Variants in DGKH observed in about 807,000 individuals in gnomAD.
DGKH encodes DAG kinase eta.
In DGKH, 90 loss-of-function variants were observed where a neutral mutation model predicts 159.3. The ratio of observed to expected loss-of-function variants is 0.57; its 90% CI spans 0.48 to 0.67. DGKH has a LOEUF of 0.67. Ranked by LOEUF, DGKH falls within the 30% of genes least tolerant of loss-of-function variation. The pLI is 0.00. For missense variants in DGKH, 1,181 were observed against 1,506.1 expected, an observed-to-expected ratio of 0.78 and a Z score of 3.57; for synonymous variants, 536 against 553.8, an observed-to-expected ratio of 0.97 and a Z score of 0.45.
In DGKH at chr13:42,051,646, CTTTTTTTTTTTT is replaced by C. The variant is rs56413015; in HGVS notation, c.192+2700_192+2711del. ...GGCCCTAAGATTAGCTCAAAGCCAT[CTTTTTTTTTTTT>C]TTTTTTTTTTTTTTTTTTGAGATGG... On this transcript the variant is annotated intron_variant, in intron 1 of 29. Coordinates refer to ENST00000337343, the MANE Select transcript of DGKH (RefSeq NM_178009.5). 2.3e-3 allele frequency among the ~76,000 whole-genome samples: 113 copies of C among 50,196 alleles called. 1 individual carries two copies. Among genetic ancestry groups the C allele is most frequent in the Non-Finnish European group, 3.5e-3 (100 of 28,608 alleles). 32.9% of individuals were successfully genotyped at this position (50,196 alleles called of 152,430 possible).
chr13:42,246,983 A>G (rs1336307972), downstream of DGKH, among the ~76,000 whole-genome samples: 2 of 152,120 alleles, frequency 1.3e-5, no homozygotes, highest in Admixed American at 1.3e-4. Flanking sequence ...GACCACACAG[A>G]TATCCGTGGT....
Position 42,166,685 on chromosome 13 carries a change from AT to A in DGKH, c.1118+13del, listed in dbSNP as rs759020724. The A allele has an allele frequency of 6.4e-7, 1 of 1,565,312 alleles. No individual in the cohort carries two copies. The highest frequency in any genetic ancestry group is 1.2e-5 in the South Asian group (1 of 81,786). ...AGGTCCTCATTTAGGGTAACTGATTATTGATAAATCTTATTTGAATACAATG... is the reference window on the plus strand; with the variant it reads ...AGGTCCTCATTTAGGGTAACTGATTATGATAAATCTTATTTGAATACAATG... On this transcript the variant is annotated intron_variant, in intron 9 of 29. Coordinates refer to ENST00000337343, the MANE Select transcript of DGKH (RefSeq NM_178009.5).
Position 42,159,263 on chromosome 13 carries a change from T to TTTTTTTTTTTTTGTGTTTAAATTAA in DGKH, c.623-3_623-2insTTTTTTTTTTTTGTGTTTAAATTAA. 1 of 1,249,720 alleles carries TTTTTTTTTTTTTGTGTTTAAATTAA rather than the reference T, an allele frequency of 8.0e-7. No homozygotes were observed. The highest frequency in any genetic ancestry group is 1.1e-6 in the Non-Finnish European group (1 of 894,574). 77.4% of individuals were successfully genotyped at this position (1,249,720 alleles called of 1,614,324 possible). A position where few individuals can be genotyped will look rare whatever the true frequency, so the allele number is the denominator to read the frequency against. On this transcript the variant is annotated splice_polypyrimidine_tract_variant and splice_region_variant and intron_variant, in intron 5 of 29. Coordinates refer to ENST00000337343, the MANE Select transcript of DGKH (RefSeq NM_178009.5). ...GTTGCTCTTTTTTTTTTTTTTTTTT[T>TTTTTTTTTTTTTGTGTTTAAATTAA]AGTGTGTAAATTCAAGGCTCACAAA...
chr13:42,178,928 A>G lies in DGKH; in HGVS notation c.1538+708A>G, dbSNP rs1956674759. Among the ~76,000 whole-genome samples the G allele has an allele frequency of 4.6e-5, 7 of 152,226 alleles. No individual in the cohort carries two copies. The South Asian group carries it at 1.4e-3, about 31-fold the overall frequency. ...CTGTTATGCAGGAAGAGAGCAGAAA[A>G]GGGGAAGAAAGAAAGAAAAGGAGTG... On this transcript the variant is annotated intron_variant, in intron 13 of 29. Transcript: ENST00000337343.
At chr13:42,177,502 T>C (rs1012355253) in intron 12 of DGKH, among the ~76,000 whole-genome samples, 1 of 152,158 alleles carries the variant, frequency 6.6e-6, no homozygotes, top group Admixed American at 6.5e-5. Context: ...TTCTTTTGGG[T>C]GTAGATATAG....
rs781029886 is a variant in DGKH at position 42,199,875 on chromosome 13, C to G, written c.2459C>G (p.Ser820Trp). Residue 820 changes from serine to tryptophan, a missense_variant, in exon 20 of 30, where the codon TCG becomes TGG. This residue lies in a region of DGKH where 335 missense variants were observed against 495.2 expected (regional missense o/e 0.68). Transcript: ENST00000337343. ...GGAACCCGGGAGTTATTACAGAGATCGTACAAGAATTTAGAACAAAGGGTT... is the reference window on the plus strand; with the variant it reads ...GGAACCCGGGAGTTATTACAGAGATGGTACAAGAATTTAGAACAAAGGGTT... Reference protein sequence around the residue: ...VLGTRELLQRSYKNLEQRVQL... With the variant: ...VLGTRELLQRWYKNLEQRVQL... 1.9e-6 allele frequency: 3 copies of G among 1,612,080 alleles called. No individual in the cohort carries two copies. The highest frequency in any genetic ancestry group is 1.7e-5 in the Admixed American group (1 of 59,752).
chr13:42,085,268 G>A (rs1296859268), intron 1 of DGKH, among the ~76,000 whole-genome samples: 1 of 151,968 alleles, frequency 6.6e-6, no homozygotes, highest in East Asian at 1.9e-4. Context: ...TCATGCTGGT[G>A]AAATGTAGGT....
At chr13:42,067,330 A>G (rs1882650835) in intron 1 of DGKH, among the ~76,000 whole-genome samples, 2 of 152,216 alleles carry the variant, frequency 1.3e-5, no homozygotes, top group Admixed American at 6.5e-5. Flanking sequence ...TGAGAATAGT[A>G]TATCAAATCA....
chr13:42,165,749 T>C (rs982061802), intron 8 of DGKH, among the ~76,000 whole-genome samples: 1 of 151,998 alleles, frequency 6.6e-6, no homozygotes, highest in East Asian at 1.9e-4. Flanking sequence ...AGTGTTTTTT[T>C]CCTCTATAAT....
chr13:42,040,905 C>CAG (rs1880456561), intron 1 of DGKH, among the ~76,000 whole-genome samples: 1 of 148,750 alleles, frequency 6.7e-6, no homozygotes, highest in Non-Finnish European at 1.5e-5. Context: ...CACGTGCGCC[C>CAG]CGCGCCCGGC....
At chr13:42,086,937 A>C (rs774202177) in intron 1 of DGKH, among the ~76,000 whole-genome samples, 1 of 152,178 alleles carries the variant, frequency 6.6e-6, no homozygotes, top group Non-Finnish European at 1.5e-5. Context: ...GGAACCACAC[A>C]GAAAGAAAGC....
In DGKH at chr13:42,230,558, A is replaced by G. The variant is rs889001268; in HGVS notation, c.*1370A>G. ...TATATACCAAAACATTAATTATAAT[A>G]TTTTAAAATTTGTATATAAGAGAAA... On this transcript the variant is annotated 3_prime_UTR_variant, in exon 30 of 30. Coordinates refer to ENST00000337343, the MANE Select transcript of DGKH (RefSeq NM_178009.5). The G allele has an allele frequency of 6.6e-6, 1 of 152,092 alleles. No individual in the cohort carries two copies. Among genetic ancestry groups the G allele is most frequent in the Non-Finnish European group, 1.5e-5 (1 of 67,984 alleles). The allele number at this position is 152,092 out of a possible 1,614,324, so 9.4% of individuals were successfully genotyped here.
At position 42,159,244 on chromosome 13, in the gene DGKH, CTTTTTTT is replaced by C. The variant is rs57531279; in HGVS notation, c.623-9_623-3del. On this transcript the variant is annotated splice_polypyrimidine_tract_variant and intron_variant, in intron 5 of 29. Coordinates refer to ENST00000337343, the MANE Select transcript of DGKH (RefSeq NM_178009.5). ...TCTTGTCCACTTAAAAGCAGTTGCT[CTTTTTTT>C]TTTTTTTTTTTTAGTGTGTAAATTC... The C allele has an allele frequency of 3.6e-4, 78 of 215,486 alleles. 3 individuals carry two copies. The highest frequency in any genetic ancestry group is 2.2e-3 in the African/African-American group (59 of 26,370). 13.3% of individuals were successfully genotyped at this position (215,486 alleles called of 1,614,324 possible). A position where few individuals can be genotyped will look rare whatever the true frequency, so the allele number is the denominator to read the frequency against.
Position 42,206,119 on chromosome 13 carries a change from C to A in DGKH, c.2574C>A (p.Asn858Lys). ...TTCCCAGCTATGCTGGAGGCACTAA[C>A]TTTTGGGGTGGAACTAAAGAGGATG... ...LNIPSYAGGT[N>K]FWGGTKEDDI... The change falls in exon 21 of 30, where the codon AAC becomes AAA. Residue 858 changes from asparagine (N) to lysine (K), a missense_variant. This residue lies in a region of DGKH where 335 missense variants were observed against 495.2 expected (regional missense o/e 0.68). Transcript: ENST00000337343. 6.9e-7 allele frequency: 1 copy of A among 1,447,256 alleles called. No individual in the cohort carries two copies. Among genetic ancestry groups the A allele is most frequent in the South Asian group, 1.6e-5 (1 of 62,094 alleles). 89.7% of individuals were successfully genotyped at this position (1,447,256 alleles called of 1,614,324 possible).
intron 12 of DGKH, among the ~76,000 whole-genome samples, chr13:42,176,327 A>G (rs969702553): frequency 6.6e-6 from 1 of 151,992 alleles, no homozygotes; most frequent in African/African-American, 2.4e-5. Flanking sequence ...TCTGGAGAAC[A>G]TTTTCTTTTT....
chr13:42,254,028 G>A (rs1958639344), intron 30 of DGKH, among the ~76,000 whole-genome samples: 1 of 150,750 alleles, frequency 6.6e-6, no homozygotes. Context: ...ATTGCTTAAA[G>A]CCCAGAATTT....
chr13:42,126,508 G>A (rs1314364766), intron 1 of DGKH, among the ~76,000 whole-genome samples: 1 of 152,194 alleles, frequency 6.6e-6, no homozygotes, highest in South Asian at 2.1e-4. Flanking sequence ...GGAAACGCTA[G>A]ATGAGGTCAG....
chr13:42,162,704 T>G (rs968280738), intron 7 of DGKH, among the ~76,000 whole-genome samples: 1 of 151,954 alleles, frequency 6.6e-6, no homozygotes, highest in Admixed American at 6.6e-5. Flanking sequence ...CTTGGGAGGC[T>G]GAGGCAGTAG....
intron 1 of DGKH, among the ~76,000 whole-genome samples, chr13:42,085,116 C>T (rs900009950): frequency 1.3e-5 from 2 of 151,856 alleles, no homozygotes; most frequent in Admixed American, 1.3e-4. Flanking sequence ...TATGTTAATG[C>T]AGATGATATA....
Sources: allele counts gnomAD v4.1 joint callset (sites outside exome capture counted in the v4.1 genomes callset), GRCh38; gene constraint gnomAD v4.1.1; regional missense constraint gnomAD v4.1.1; transcripts MANE v1.5; gene names NCBI Gene and HGNC (gene_info 2026-07-23, HGNC 2026-07-21).